The following SENP6 variants were observed in gnomAD, a reference collection of about 807,000 sequenced individuals.
SENP6 encodes SUMO specific peptidase 6.
In SENP6, 41 loss-of-function variants were observed where a neutral mutation model predicts 134.5. The ratio of observed to expected loss-of-function variants is 0.30; its 90% confidence interval spans 0.24 to 0.40. SENP6 has a LOEUF of 0.40. Among genes scored for constraint, SENP6 ranks in the 10% least tolerant of loss-of-function variants. The probability of loss-of-function intolerance (pLI) is 1.00; values close to 1 mark genes in which losing one functional copy is unlikely to be tolerated. For synonymous variants in SENP6, 395 were observed against 429.8 expected (o/e 0.92, Z 1.00); for missense variants, 1,248 against 1,312.5 (o/e 0.95, Z 0.76).
intron 16 of SENP6, among the ~76,000 whole-genome samples, chr6:75,683,615 G>A (rs1773617641): frequency 6.6e-6 from 1 of 152,138 alleles, no homozygotes; most frequent in Non-Finnish European, 1.5e-5. Context: ...TTCTACATAT[G>A]GCTAGCCAGT....
chr6:75,610,097 C>G (rs1445341306), intron 1 of SENP6, among the ~76,000 whole-genome samples: 1 of 152,088 alleles, frequency 6.6e-6, no homozygotes, highest in Non-Finnish European at 1.5e-5. Flanking sequence ...CTTAGTTTAA[C>G]TTCTAGTTGA....
chr6:75,660,646 T>C (rs79768172), intron 8 of SENP6, among the ~76,000 whole-genome samples: 41 of 152,016 alleles, frequency 2.7e-4, no homozygotes, highest in African/African-American at 3.9e-4. Flanking sequence ...TTTTTTTTTT[T>C]CCCCGAGATG....
Position 75,623,902 on chromosome 6 carries a change from G to C in SENP6, c.149G>C (p.Gly50Ala), listed in dbSNP as rs1196327833. The C allele has an allele frequency of 1.9e-6, 3 of 1,603,128 alleles. No homozygotes were observed. The highest frequency in any genetic ancestry group is 2.6e-6 in the Non-Finnish European group (3 of 1,174,442). The change falls in exon 3 of 24, where the codon GGG (glycine) becomes GCG (alanine). Residue 50 changes from glycine to alanine, a missense_variant and splice_region_variant. Gly to Ala is a moderately conservative substitution (Grantham distance 60). Around this residue, in one of 3 missense-constraint regions of SENP6, gnomAD observed 733 missense variants for 725.4 expected, o/e 1.01. Transcript: ENST00000447266. ...EESEGDTDKD[G>A]TNLLSVDEDE... The stretch of plus-strand genomic sequence containing the variant: ...TTTTCCCCTTATTTTCTGTGTAGTG[G>C]GACAAATCTGCTCAGTGTGGATGAA...
chr6:75,682,133 A>T (rs986807108), intron 16 of SENP6, among the ~76,000 whole-genome samples: 3 of 152,212 alleles, frequency 2.0e-5, no homozygotes, highest in Non-Finnish European at 2.9e-5. Flanking sequence ...GAAAATTACC[A>T]GGGATCAAGA....
intron 2 of SENP6, among the ~76,000 whole-genome samples, chr6:75,622,483 C>T (rs6901064): frequency 0.24 from 37,101 of 151,986 alleles, 5,905 homozygotes; most frequent in Non-Finnish European, 0.37. Context: ...CACTTGAACC[C>T]GGGAGGTAGA....
chr6:75,620,495 T>C (rs1768185126), intron 1 of SENP6, among the ~76,000 whole-genome samples: 1 of 152,178 alleles, frequency 6.6e-6, no homozygotes, highest in South Asian at 2.1e-4. Context: ...ACAGGCTCCA[T>C]TGGGCCTCTT....
rs1045831329 is a variant in SENP6 at position 75,709,518 on chromosome 6, T to C, written c.2717-9T>C. 5 of 1,597,838 alleles carry C rather than the reference T, an allele frequency of 3.1e-6. No homozygotes were observed. In the African/African-American group the frequency reaches 6.7e-5, roughly 21 times the overall value. ...CTTTTTTATTATGTAATGTTTCTTATTGATACAGATGGCTTAAGCAAAATC... is the reference window on the plus strand; with the variant it reads ...CTTTTTTATTATGTAATGTTTCTTACTGATACAGATGGCTTAAGCAAAATC... On this transcript the variant is annotated splice_polypyrimidine_tract_variant and intron_variant, in intron 19 of 23. Coordinates refer to ENST00000447266, the MANE Select transcript of SENP6 (RefSeq NM_015571.4).
chr6:75,603,153 G>T (rs996096179), intron 1 of SENP6, among the ~76,000 whole-genome samples: 4 of 152,134 alleles, frequency 2.6e-5, no homozygotes, highest in African/African-American at 9.7e-5. Flanking sequence ...TCTGGAAAAA[G>T]AGTAAGGTTT....
At chr6:75,612,671 T>C (rs986712813) in intron 1 of SENP6, among the ~76,000 whole-genome samples, 1 of 152,168 alleles carries the variant, frequency 6.6e-6, no homozygotes, top group African/African-American at 2.4e-5. Flanking sequence ...TGGGAGATGA[T>C]GCATAGAAAC....
At chr6:75,663,792 T>C (rs1282811638) in intron 9 of SENP6, among the ~76,000 whole-genome samples, 1 of 143,298 alleles carries the variant, frequency 7.0e-6, no homozygotes, top group Non-Finnish European at 1.5e-5. Flanking sequence ...ATGGGTAGAT[T>C]TCCTGCTGAT....
At chr6:75,602,705 A>G (rs1006680521) in intron 1 of SENP6, 129 bp downstream of exon 1, 8 of 950,472 alleles carry the variant, frequency 8.4e-6, no homozygotes, top group African/African-American at 1.6e-5. Context: ...GGGATGAGCG[A>G]TGACGGGGAG....
intron 8 of SENP6, among the ~76,000 whole-genome samples, chr6:75,662,704 A>G (rs1288059266): frequency 6.6e-6 from 1 of 152,178 alleles, no homozygotes; most frequent in African/African-American, 2.4e-5. Flanking sequence ...AGCTCAGAAC[A>G]TACTTCTGTT....
Position 75,659,328 on chromosome 6 carries a change from A to C in SENP6, c.617A>C (p.Gln206Pro). The change falls in exon 8 of 24, where the codon CAA becomes CCA. Residue 206 changes from glutamine (Q) to proline (P), a missense_variant. Physicochemically the swap from Gln to Pro is moderately conservative, Grantham distance 76. This residue lies in a region of SENP6 where 733 missense variants were observed against 725.4 expected (regional missense o/e 1.01). Coordinates refer to ENST00000447266, the MANE Select transcript of SENP6 (RefSeq NM_015571.4). ...GAGCCTGAAATTAAGAGGAAAGTAC[A>C]ACAGAAACGACACTGTAGTACCTAT... ...QVEPEIKRKV[Q>P]QKRHCSTYQP... is the part of the protein sequence containing the mutation. 1 of 1,610,346 alleles carries C rather than the reference A, an allele frequency of 6.2e-7. No homozygotes were observed. Among genetic ancestry groups the C allele is most frequent in the Non-Finnish European group, 8.5e-7 (1 of 1,176,696 alleles).
intron 10 of SENP6, among the ~76,000 whole-genome samples, chr6:75,669,600 A>G (rs1021530050): frequency 6.6e-6 from 1 of 152,202 alleles, no homozygotes; most frequent in African/African-American, 2.4e-5. Flanking sequence ...TTGTAATTAA[A>G]ATTACATACC....
rs549808895 is a variant in SENP6, at chr6:75,641,840, G to T, written c.479+1136G>T. Among the ~76,000 whole-genome samples, 259 of 151,772 alleles carry T rather than the reference G, an allele frequency of 1.7e-3. 1 individual carries two copies. Among genetic ancestry groups the T allele is most frequent in the South Asian group, 0.014 (65 of 4,766 alleles). On this transcript the variant is annotated intron_variant, in intron 6 of 23. Transcript: ENST00000447266. ...AAAAAAATAAAATAATTGGCCTGGA[G>T]TAGGTAGTAAGACAGTAAACAAACT... is the stretch of plus-strand genomic sequence containing the variant.
At chr6:75,682,546 C>T (rs559373346) in intron 16 of SENP6, among the ~76,000 whole-genome samples, 34 of 151,890 alleles carry the variant, frequency 2.2e-4, no homozygotes, top group Non-Finnish European at 4.1e-4. Context: ...CTAATGCTAT[C>T]CCTCCCCCAG....
At chr6:75,701,660 G>A (rs1407566686) in intron 18 of SENP6, among the ~76,000 whole-genome samples, 8 of 73,594 alleles carry the variant, frequency 1.1e-4, no homozygotes, top group African/African-American at 4.9e-4. Flanking sequence ...TTTTTTTGGA[G>A]ACGGAGTCTC....
chr6:75,681,232 C>T (rs1040567954), intron 16 of SENP6, among the ~76,000 whole-genome samples: 17 of 152,094 alleles, frequency 1.1e-4, no homozygotes, highest in African/African-American at 3.6e-4. Context: ...ATCCTTGTTA[C>T]ATTGAGTAAG....
Position 75,633,649 on chromosome 6 carries a change from A to G in SENP6, c.276A>G (p.Arg92=), listed in dbSNP as rs748558944. The change falls in exon 4 of 24, where the codon CGA becomes CGG. Residue 92 remains arginine (R), a synonymous_variant. Coordinates refer to ENST00000447266, the MANE Select transcript of SENP6 (RefSeq NM_015571.4). ...TCATCTTGAAGACATATGTAAGACG[A>G]AACAAGTCTGAAAGTTTTAAAACTT... ...GEFILKTYVR[R]NKSESFKTLK... 6.2e-7 allele frequency: 1 copy of G among 1,612,386 alleles called. No individual in the cohort carries two copies. Among genetic ancestry groups the G allele is most frequent in the Admixed American group, 1.7e-5 (1 of 59,736 alleles).
Sources: gnomAD v4.1 joint callset for allele counts (sites outside exome capture counted in the v4.1 genomes callset) on GRCh38, gnomAD v4.1.1 for gene constraint, gnomAD v4.1.1 regional missense constraint, MANE v1.5 for transcripts, NCBI Gene and HGNC (gene_info 2026-07-23, HGNC 2026-07-21) for gene names.